Variants in ADGRL4 observed in about 807,000 individuals in gnomAD.
ADGRL4 encodes the protein EGF, latrophilin and seven transmembrane domain containing 1.
A neutral mutation model predicts 74.8 loss-of-function variants in ADGRL4; 90 were observed. The ratio of observed to expected loss-of-function variants is 1.20; its 90% CI spans 1.02 to 1.43. The LOEUF (loss-of-function observed/expected upper bound fraction) is 1.43. Ranked by LOEUF, ADGRL4 falls within the 40% of genes most tolerant of loss-of-function variation. The pLI, the probability that ADGRL4 is intolerant of heterozygous loss-of-function variation, is 0.00. For missense variants in ADGRL4, 881 were observed against 814.3 expected, an observed-to-expected ratio of 1.08 and a Z score of -1.00; for synonymous variants, 311 against 279.2, an observed-to-expected ratio of 1.11 and a Z score of -1.14.
intron 2 of ADGRL4, among the ~76,000 whole-genome samples, chr1:78,995,926 C>T (rs1650702782): frequency 6.6e-6 from 1 of 151,956 alleles, no homozygotes. Flanking sequence ...CATAGGATAC[C>T]AGGGGGATTT....
chr1:78,911,105 C>T (rs1648753212), intron 12 of ADGRL4, among the ~76,000 whole-genome samples: 1 of 151,722 alleles, frequency 6.6e-6, no homozygotes. Context: ...ACATCATATT[C>T]CCAAACCAGG....
chr1:78,936,768 T>C (rs1649364345), intron 6 of ADGRL4, among the ~76,000 whole-genome samples: 1 of 152,186 alleles, frequency 6.6e-6, no homozygotes, highest in Non-Finnish European at 1.5e-5. Context: ...GTGATTTAAT[T>C]AAACGTTTGA....
chr1:78,924,921 T>G (rs1280698623), intron 8 of ADGRL4, among the ~76,000 whole-genome samples: 1 of 152,114 alleles, frequency 6.6e-6, no homozygotes, highest in Non-Finnish European at 1.5e-5. Context: ...AGTCAGCAGA[T>G]TACATCTACT....
intron 5 of ADGRL4, 35 bp downstream of exon 5, chr1:78,938,065 C>G: frequency 6.2e-7 from 1 of 1,605,168 alleles, no homozygotes; most frequent in Admixed American, 1.7e-5. Flanking sequence ...AAATTCAAAG[C>G]TCAATTATAT....
chr1:78,951,403 C>T (rs1649718988), intron 2 of ADGRL4, among the ~76,000 whole-genome samples: 1 of 152,158 alleles, frequency 6.6e-6, no homozygotes, highest in South Asian at 2.1e-4. Flanking sequence ...TGGGGTTTCA[C>T]ATGGTTCAGC....
intron 2 of ADGRL4, among the ~76,000 whole-genome samples, chr1:78,967,262 G>A (rs1471731720): frequency 2.6e-5 from 4 of 152,154 alleles, no homozygotes; most frequent in Non-Finnish European, 4.4e-5. Flanking sequence ...GCTATAAACT[G>A]CTTTGGGGTT....
intron 2 of ADGRL4, among the ~76,000 whole-genome samples, chr1:78,946,926 T>C (rs1294594096): frequency 6.6e-6 from 1 of 152,208 alleles, no homozygotes; most frequent in African/African-American, 2.4e-5. Context: ...TGCATTTATT[T>C]ACAACTATAT....
chr1:78,984,517 G>A (rs1650456668), intron 2 of ADGRL4, among the ~76,000 whole-genome samples: 1 of 151,692 alleles, frequency 6.6e-6, no homozygotes. Flanking sequence ...ATCTTGACAT[G>A]ACAGCAGTCA....
At chr1:78,949,349 C>T (rs1213216995) in intron 2 of ADGRL4, among the ~76,000 whole-genome samples, 2 of 152,084 alleles carry the variant, frequency 1.3e-5, no homozygotes. Flanking sequence ...TTTTGTGTCT[C>T]TTCCTGCTGT....
intron 2 of ADGRL4, among the ~76,000 whole-genome samples, chr1:78,947,984 G>A (rs1029126526): frequency 2.0e-5 from 3 of 152,006 alleles, no homozygotes; most frequent in African/African-American, 7.2e-5. Context: ...ATATTAATTA[G>A]CTTAATGCTT....
chr1:78,988,383 C>A (rs1359558497), intron 2 of ADGRL4, among the ~76,000 whole-genome samples: 1 of 151,802 alleles, frequency 6.6e-6, no homozygotes, highest in East Asian at 1.9e-4. Flanking sequence ...GATTCCTTCA[C>A]AGAATTCATA....
At chr1:78,891,294 T>G in intron 14 of ADGRL4, 78 bp from the exon 15 acceptor site, 1 of 1,432,122 alleles carries the variant, frequency 7.0e-7, no homozygotes, top group South Asian at 1.3e-5. Context: ...TCACAATAAA[T>G]TGTTACATAT....
chr1:78,984,039 C>G (rs553378331), intron 2 of ADGRL4, among the ~76,000 whole-genome samples: 1 of 151,720 alleles, frequency 6.6e-6, no homozygotes, highest in East Asian at 1.9e-4. Flanking sequence ...CAAGAAGAAA[C>G]AAATATCCAG....
intron 12 of ADGRL4, among the ~76,000 whole-genome samples, chr1:78,912,520 C>T (rs1051560929): frequency 2.0e-5 from 3 of 151,866 alleles, no homozygotes; most frequent in African/African-American, 4.8e-5. Flanking sequence ...ATCTAAGCTA[C>T]ATGCTCCTTA....
At chr1:78,906,002 C>T (rs896485682) in intron 12 of ADGRL4, among the ~76,000 whole-genome samples, 1 of 151,848 alleles carries the variant, frequency 6.6e-6, no homozygotes, top group Non-Finnish European at 1.5e-5. Flanking sequence ...CCAGGAATAA[C>T]TCTGAGTAGG....
chr1:78,901,423 T>C (rs1257879830), intron 12 of ADGRL4, among the ~76,000 whole-genome samples: 1 of 152,126 alleles, frequency 6.6e-6, no homozygotes, highest in Non-Finnish European at 1.5e-5. Flanking sequence ...TGTGTATGTG[T>C]TAAAACTGAT....
chr1:79,006,395 G>A (rs1039419207), intron 1 of ADGRL4, among the ~76,000 whole-genome samples: 2 of 152,112 alleles, frequency 1.3e-5, no homozygotes, highest in Non-Finnish European at 2.9e-5. Flanking sequence ...AGGTGAAAGG[G>A]GATGCTGGAC....
chr1:78,960,192 T>A (rs962299668), intron 2 of ADGRL4, among the ~76,000 whole-genome samples: 1 of 152,156 alleles, frequency 6.6e-6, no homozygotes, highest in Non-Finnish European at 1.5e-5. Context: ...TTTACAGAAA[T>A]AAAAATGTGG....
intron 2 of ADGRL4, among the ~76,000 whole-genome samples, chr1:78,961,856 AT>A (rs1649958928): frequency 6.6e-6 from 1 of 151,780 alleles, no homozygotes; most frequent in South Asian, 2.1e-4. Flanking sequence ...GAGAATCATA[AT>A]ATGGGCAGGA....
Sources: allele counts gnomAD v4.1 joint callset (sites outside exome capture counted in the v4.1 genomes callset), GRCh38; gene constraint gnomAD v4.1.1; transcripts MANE v1.5; gene names NCBI Gene and HGNC (gene_info 2026-07-23, HGNC 2026-07-21).